ZBTB49: variants seen among roughly 807,000 people sequenced by gnomAD.
ZBTB49 encodes the protein zinc finger and BTB domain-containing protein 49.
Under a neutral mutation model 57.5 loss-of-function variants are expected in ZBTB49, and 43 were observed. That is an observed-to-expected ratio of 0.75 (90% CI 0.59 to 0.97). The LOEUF is 0.97. ZBTB49 is among the 50% of genes least tolerant of loss of function. The probability of loss-of-function intolerance (pLI) is 0.00; values close to 1 mark genes in which losing one functional copy is unlikely to be tolerated. For synonymous variants in ZBTB49, 369 were observed against 362.1 expected (o/e 1.02, Z -0.22); for missense variants, 938 against 947.7 (o/e 0.99, Z 0.13).
chr4:4,307,425 C>T (rs747284665), intron 4 of ZBTB49, among the ~76,000 whole-genome samples: 23 of 152,192 alleles, frequency 1.5e-4, no homozygotes, highest in Non-Finnish European at 2.2e-4. Flanking sequence ...TCTGTCAGGG[C>T]GTCACTACCC....
Position 4,321,239 on chromosome 4 carries a change from G to T in ZBTB49, c.2221G>T (p.Gly741Cys), listed in dbSNP as rs1721403624. The change falls in exon 8 of 8, where the codon GGT becomes TGT. Residue 741 changes from glycine to cysteine, a missense_variant. Physicochemically the swap from Gly to Cys is radical, Grantham distance 159 (BLOSUM62 -3). Around this residue, in one of 3 missense-constraint regions of ZBTB49, gnomAD observed 835 missense variants for 819.1 expected, o/e 1.02. Coordinates refer to ENST00000337872, the MANE Select transcript of ZBTB49 (RefSeq NM_145291.4). ...ASSTTYRNSE[G>C]QFFSSMTLWG... ...TTCCACCACTTATAGGAACTCAGAG[G>T]GTCAGTTTTTCTCCAGCATGACTCT... 1 of 1,614,136 alleles carries T rather than the reference G, an allele frequency of 6.2e-7. No individual in the cohort carries two copies. The highest frequency in any genetic ancestry group is 8.5e-7 in the Non-Finnish European group (1 of 1,180,026).
chr4:4,317,220 C>G (rs1211905524), intron 7 of ZBTB49, among the ~76,000 whole-genome samples: 1 of 152,162 alleles, frequency 6.6e-6, no homozygotes, highest in East Asian at 1.9e-4. Flanking sequence ...CTGCCCTTTC[C>G]CTGCCTCACT....
Position 4,302,739 on chromosome 4 carries a change from G to A in ZBTB49, c.903G>A (p.Met301Ile), listed in dbSNP as rs1432628542. The A allele has an allele frequency of 6.2e-7, 1 of 1,614,008 alleles. No individual in the cohort carries two copies. The change falls in exon 3 of 8, where the codon ATG becomes ATA. Residue 301 changes from methionine (M) to isoleucine (I), a missense_variant. Met to Ile is a conservative substitution (Grantham distance 10). This residue lies in a region of ZBTB49 where 835 missense variants were observed against 819.1 expected (regional missense o/e 1.02). Coordinates refer to ENST00000337872, the MANE Select transcript of ZBTB49 (RefSeq NM_145291.4). ...CATGCCAACAACCTGTCAAGCAGAT[G>A]AGGCTCAAAAAGGCCATTCATCTGA... is the stretch of plus-strand genomic sequence containing the variant. ...DATCQQPVKQ[M>I]RLKKAIHLKK... is the part of the protein sequence containing the mutation.
At chr4:4,316,235 A>T (rs1375509419) in intron 7 of ZBTB49, among the ~76,000 whole-genome samples, 2 of 152,126 alleles carry the variant, frequency 1.3e-5, no homozygotes, top group African/African-American at 4.8e-5. Flanking sequence ...CTTGGTCCAG[A>T]TGGGAAGAGG....
chr4:4,313,650 G>A (rs1427942917), intron 5 of ZBTB49, among the ~76,000 whole-genome samples: 1 of 152,162 alleles, frequency 6.6e-6, no homozygotes, highest in Non-Finnish European at 1.5e-5. Flanking sequence ...GGAATAAAGT[G>A]TGTGGCAGCT....
intron 7 of ZBTB49, among the ~76,000 whole-genome samples, chr4:4,318,456 A>G (rs537218855): frequency 8.5e-5 from 13 of 152,252 alleles, no homozygotes; most frequent in Admixed American, 7.2e-4. Flanking sequence ...TCTCTACTAA[A>G]AATACCAAAA....
At position 4,302,677 on chromosome 4, in the gene ZBTB49, G is replaced by C; in HGVS notation, c.841G>C (p.Val281Leu). The C allele has an allele frequency of 6.2e-7, 1 of 1,610,660 alleles. No homozygotes were observed. The highest frequency in any genetic ancestry group is 1.7e-5 in the Admixed American group (1 of 59,680). The stretch of plus-strand genomic sequence containing the variant: ...ACCTTCCAACTTCCTGGCCCAGCCT[G>C]TGAATGACTCTGCCCCACACCCTGA... Reference protein sequence around the residue: ...HLPSNFLAQPVNDSAPHPESD... With the variant: ...HLPSNFLAQPLNDSAPHPESD... The change falls in exon 3 of 8, where the codon GTG becomes CTG. Residue 281 changes from valine to leucine, a missense_variant. Physicochemically the swap from Val to Leu is conservative, Grantham distance 32 (BLOSUM62 1). This residue lies in a region of ZBTB49 where 835 missense variants were observed against 819.1 expected (regional missense o/e 1.02). Coordinates refer to ENST00000337872, the MANE Select transcript of ZBTB49 (RefSeq NM_145291.4).
At position 4,306,275 on chromosome 4, in the gene ZBTB49, A is replaced by T; in HGVS notation, c.1302+91A>T. On this transcript the variant is annotated intron_variant, in intron 4 of 7. Transcript: ENST00000337872. ...TAAGACATACTTTTGTACTTGTGAGAGAAGCCTCTAATGATGTCTGTAACT... is the reference window on the plus strand; with the variant it reads ...TAAGACATACTTTTGTACTTGTGAGTGAAGCCTCTAATGATGTCTGTAACT... 2.8e-6 allele frequency: 3 copies of T among 1,088,838 alleles called. No individual in the cohort carries two copies. The South Asian group carries it at 4.0e-5, about 14-fold the overall frequency. The allele number at this position is 1,088,838 out of a possible 1,614,324, so 67.4% of individuals were successfully genotyped here.
intron 4 of ZBTB49, among the ~76,000 whole-genome samples, chr4:4,312,115 C>T (rs1721003315): frequency 6.6e-6 from 1 of 152,138 alleles, no homozygotes; most frequent in Non-Finnish European, 1.5e-5. Flanking sequence ...TGCATGACAC[C>T]TGCTCATTTT....
chr4:4,309,483 G>A (rs1245844951), intron 4 of ZBTB49, among the ~76,000 whole-genome samples: 2 of 152,224 alleles, frequency 1.3e-5, no homozygotes, highest in Admixed American at 1.3e-4. Flanking sequence ...TTTGAGAAAC[G>A]GGAAAGAAAA....
At chr4:4,291,772 G>A (rs1181922460) in intron 1 of ZBTB49, among the ~76,000 whole-genome samples, 1 of 152,210 alleles carries the variant, frequency 6.6e-6, no homozygotes, top group Non-Finnish European at 1.5e-5. Flanking sequence ...CAGCATAGAT[G>A]TGTCTTCCAG....
In ZBTB49 at chr4:4,300,413, T is replaced by A. The variant is rs1412552114; in HGVS notation, c.152+316T>A. 2.0e-5 allele frequency among the ~76,000 whole-genome samples: 3 copies of A among 152,332 alleles called. No individual in the cohort carries two copies. The East Asian group carries it at 5.8e-4, about 29-fold the overall frequency. ...GTCTTCTACATATATTTCTTATCCT[T>A]TCAAGATAAAATGATGGAGGAATTA... On this transcript the variant is annotated intron_variant, in intron 2 of 7. Transcript: ENST00000337872.
intron 5 of ZBTB49, among the ~76,000 whole-genome samples, chr4:4,314,662 G>A (rs948155720): frequency 3.3e-5 from 5 of 152,216 alleles, no homozygotes; most frequent in South Asian, 4.1e-4. Context: ...GTGAGCCACC[G>A]TGCCCAGCCA....
At chr4:4,295,798 C>T (rs2980165) in intron 1 of ZBTB49, among the ~76,000 whole-genome samples, 38,024 of 152,048 alleles carry the variant, frequency 0.25, 5,267 homozygotes, top group Admixed American at 0.32. Flanking sequence ...AAACCCTACA[C>T]GTTAGAAACA....
chr4:4,299,776 G>GGTAT, intron 1 of ZBTB49, among the ~76,000 whole-genome samples, 151 bp from the exon 2 acceptor site: 1 of 103,740 alleles, frequency 9.6e-6, no homozygotes, highest in African/African-American at 2.8e-5. Context: ...CAGAAACAGA[G>GGTAT]GTGTGTGTGT....
chr4:4,303,016 C>A lies in ZBTB49; in HGVS notation c.1180C>A (p.Gln394Lys), dbSNP rs765073209. 3.1e-6 allele frequency: 5 copies of A among 1,614,020 alleles called. No individual in the cohort carries two copies. In the Admixed American group the frequency reaches 8.3e-5, roughly 27 times the overall value. Residue 394 changes from glutamine (Q) to lysine (K), a missense_variant, in exon 3 of 8, where the codon CAA becomes AAA. By Grantham distance (53) the Gln-to-Lys change is moderately conservative. Around this residue, in one of 3 missense-constraint regions of ZBTB49, gnomAD observed 835 missense variants for 819.1 expected, o/e 1.02. Coordinates refer to ENST00000337872, the MANE Select transcript of ZBTB49 (RefSeq NM_145291.4). ...DQSQTLQSQRQYACELCGKPF... is the reference protein window; with the variant it reads ...DQSQTLQSQRKYACELCGKPF... The stretch of plus-strand genomic sequence containing the variant: ...GTCCCAGACACTTCAGTCCCAGAGA[C>A]AATACGCGTGTGAATTATGCGGGAA...
intron 1 of ZBTB49, among the ~76,000 whole-genome samples, 151 bp from the exon 2 acceptor site, chr4:4,299,776 G>GTTTGTGT (rs1553803868): frequency 9.6e-6 from 1 of 103,636 alleles, no homozygotes; most frequent in Admixed American, 9.8e-5. Flanking sequence ...CAGAAACAGA[G>GTTTGTGT]GTGTGTGTGT....
At chr4:4,290,640 C>T (rs1025717837) in intron 1 of ZBTB49, among the ~76,000 whole-genome samples, 3 of 152,242 alleles carry the variant, frequency 2.0e-5, no homozygotes, top group African/African-American at 7.2e-5. Context: ...GGCCTGGAAA[C>T]CCCACCCGCG....
chr4:4,300,069 G>T lies in ZBTB49; in HGVS notation c.124G>T (p.Val42Phe). 1 of 1,614,142 alleles carries T rather than the reference G, an allele frequency of 6.2e-7. No homozygotes were observed. The highest frequency in any genetic ancestry group is 8.5e-7 in the Non-Finnish European group (1 of 1,180,026). ...KGVCFKAHKN[V>F]LAAFSQYFRS... ...AGTCTGCTTTAAAGCGCATAAGAAT[G>T]TCCTGGCAGCATTCAGCCAGTATTT... is the stretch of plus-strand genomic sequence containing the variant. Residue 42 changes from valine (V) to phenylalanine (F), a missense_variant, in exon 2 of 8, where the codon GTC becomes TTC. Val to Phe is a conservative substitution (Grantham distance 50). Around this residue, in one of 3 missense-constraint regions of ZBTB49, gnomAD observed 100 missense variants for 112.5 expected, o/e 0.89. Transcript: ENST00000337872.
Sources: allele counts gnomAD v4.1 joint callset (sites outside exome capture counted in the v4.1 genomes callset), GRCh38; gene constraint gnomAD v4.1.1; regional missense constraint gnomAD v4.1.1; transcripts MANE v1.5; gene names NCBI Gene and HGNC (gene_info 2026-07-23, HGNC 2026-07-21).